ANK1: variants seen among roughly 807,000 people sequenced by gnomAD.
The protein encoded by ANK1 is ankyrin-1.
In ANK1, 51 loss-of-function variants were observed where a neutral mutation model predicts 210.4. The ratio of observed to expected loss-of-function variants is 0.24; its 90% CI spans 0.19 to 0.31. ANK1 has a LOEUF of 0.31. Ranked by LOEUF, ANK1 falls within the 10% of genes least tolerant of loss-of-function variation. The pLI, the probability that ANK1 is intolerant of heterozygous loss-of-function variation, is 1.00. For synonymous variants in ANK1, 967 were observed against 1,025.9 expected, an observed-to-expected ratio of 0.94 and a Z score of 1.10; for missense variants, 2,051 against 2,504.4, an observed-to-expected ratio of 0.82 and a Z score of 3.86.
At chr8:41,883,440 ATGTT>A (rs10544043) in intron 1 of ANK1, among the ~76,000 whole-genome samples, 52,073 of 150,056 alleles carry the variant, frequency 0.35, 9,229 homozygotes, top group African/African-American at 0.42. Flanking sequence ...GAAGGATCTC[ATGTT>A]TGTTTGTTTG....
chr8:41,778,156 GAC>G (rs1344856675), intron 1 of ANK1, among the ~76,000 whole-genome samples: 1 of 152,134 alleles, frequency 6.6e-6, no homozygotes, highest in African/African-American at 2.4e-5. Context: ...CCCAGTGGTA[GAC>G]ACAAAAAAAG....
At chr8:41,807,065 G>A (rs909426884) in intron 1 of ANK1, among the ~76,000 whole-genome samples, 5 of 152,120 alleles carry the variant, frequency 3.3e-5, no homozygotes, top group African/African-American at 4.8e-5. Context: ...TCATTCATTT[G>A]TTCATCATTC....
At position 41,706,183 on chromosome 8, in the gene ANK1, A is replaced by G; in HGVS notation, c.2057T>C (p.Val686Ala). ...CACCATGACGCCGTGTTTGATCAGC[A>G]CATCTGCCACTGGAACGTGGCCTTC... The part of the protein sequence containing the change: ...AQEGHVPVAD[V>A]LIKHGVMVDA... Residue 686 changes from valine (V) to alanine (A), a missense_variant, in exon 18 of 43, where the codon GTG becomes GCG. Val to Ala is a moderately conservative substitution (Grantham distance 64, BLOSUM62 0). Coordinates refer to ENST00000289734, the MANE Select transcript of ANK1 (RefSeq NM_000037.4). 1 of 1,614,126 alleles carries G rather than the reference A, an allele frequency of 6.2e-7. No homozygotes were observed. Among genetic ancestry groups the G allele is most frequent in the Non-Finnish European group, 8.5e-7 (1 of 1,179,970 alleles).
intron 1 of ANK1, among the ~76,000 whole-genome samples, chr8:41,803,023 A>AAGAAAGAAAGAAAG (rs1850226017): frequency 3.0e-5 from 3 of 101,394 alleles, no homozygotes; most frequent in Non-Finnish European, 6.2e-5. Context: ...GAAAGAAAGA[A>AAGAAAGAAAGAAAG]AGAAAGAAAG....
At chr8:41,880,320 GT>G (rs965167079) in intron 1 of ANK1, among the ~76,000 whole-genome samples, 5 of 152,218 alleles carry the variant, frequency 3.3e-5, no homozygotes, top group Non-Finnish European at 5.9e-5. Context: ...CACAGTAAAA[GT>G]TTGCCAATCT....
intron 12 of ANK1, 128 bp downstream of exon 12, chr8:41,717,476 G>T: frequency 1.1e-6 from 1 of 901,576 alleles, no homozygotes; most frequent in Non-Finnish European, 1.8e-6. Flanking sequence ...TCCTCCCCCA[G>T]TCTGAAGCAT....
At chr8:41,700,330 G>T (rs1822391694) in intron 22 of ANK1, 1 of 1,307,144 alleles carries the variant, frequency 7.7e-7, no homozygotes, top group African/African-American at 1.5e-5. Flanking sequence ...AGCTGTCAGA[G>T]GAAGATGGAA....
At chr8:41,858,060 T>A (rs1180943793) in intron 1 of ANK1, among the ~76,000 whole-genome samples, 1 of 151,916 alleles carries the variant, frequency 6.6e-6, no homozygotes, top group Non-Finnish European at 1.5e-5. Context: ...AGACCCCCCA[T>A]CTCTACAAAA....
At chr8:41,729,339 A>G (rs1488791264) in intron 3 of ANK1, among the ~76,000 whole-genome samples, 1 of 152,254 alleles carries the variant, frequency 6.6e-6, no homozygotes, top group Non-Finnish European at 1.5e-5. Flanking sequence ...ATAAGAACCA[A>G]TAGCAGAGAC....
At chr8:41,664,602 G>A (rs1809730331) in intron 39 of ANK1, among the ~76,000 whole-genome samples, 1 of 152,050 alleles carries the variant, frequency 6.6e-6, no homozygotes, top group African/African-American at 2.4e-5. Flanking sequence ...CTGTCACAAT[G>A]CACTGGGCAC....
intron 40 of ANK1, among the ~76,000 whole-genome samples, chr8:41,662,338 G>A (rs1360991375): frequency 6.6e-6 from 1 of 152,282 alleles, no homozygotes; most frequent in East Asian, 1.9e-4. Flanking sequence ...GCTCCGAGGG[G>A]GAGGTAGCTT....
At chr8:41,743,037 G>C (rs552474) in intron 2 of ANK1, among the ~76,000 whole-genome samples, 135,070 of 152,254 alleles carry the variant, frequency 0.89, 59,984 homozygotes, top group African/African-American at 0.89. Flanking sequence ...GCTTAATTCC[G>C]CAAATAGCAA....
chr8:41,889,114 A>T (rs1011261071), intron 1 of ANK1, among the ~76,000 whole-genome samples: 2 of 152,226 alleles, frequency 1.3e-5, no homozygotes, highest in African/African-American at 4.8e-5. Context: ...TGGTGGGATT[A>T]CTGGCATGAG....
At position 41,661,128 on chromosome 8, in the gene ANK1, G is replaced by A. The variant is rs903818032; in HGVS notation, c.*36+302C>T. The A allele has an allele frequency of 9.7e-6, 4 of 412,786 alleles. No homozygotes were observed. In the East Asian group the frequency reaches 1.7e-4, roughly 17 times the overall value. The allele number at this position is 412,786 out of a possible 1,614,324, so 25.6% of individuals were successfully genotyped here. A position where few individuals can be genotyped will look rare whatever the true frequency, so the allele number is the denominator to read the frequency against. On this transcript the variant is annotated intron_variant, in intron 42 of 42. Coordinates refer to ENST00000289734, the MANE Select transcript of ANK1 (RefSeq NM_000037.4). ...TGGCCTAAAGCAATCCTTTTGCCTCGACCTCACAAAATGCTGGGATTACAG... is the reference window on the plus strand; with the variant it reads ...TGGCCTAAAGCAATCCTTTTGCCTCAACCTCACAAAATGCTGGGATTACAG...
At chr8:41,890,882 G>C (rs1394043137) in intron 1 of ANK1, among the ~76,000 whole-genome samples, 1 of 152,114 alleles carries the variant, frequency 6.6e-6, no homozygotes, top group Non-Finnish European at 1.5e-5. Flanking sequence ...AAAAAAACCT[G>C]TACTAGTTAA....
chr8:41,703,959 A>AG, intron 20 of ANK1, 82 bp downstream of exon 20: 1 of 1,326,256 alleles, frequency 7.5e-7, no homozygotes, highest in East Asian at 2.3e-5. Context: ...CACGTGCATT[A>AG]ACCTCTACGG....
At chr8:41,804,242 C>T (rs941894015) in intron 1 of ANK1, among the ~76,000 whole-genome samples, 16 of 152,168 alleles carry the variant, frequency 1.1e-4, no homozygotes, top group Non-Finnish European at 2.1e-4. Context: ...ATGGACCTCC[C>T]ATAGGGCTGC....
chr8:41,661,329 C>T, intron 42 of ANK1, 101 bp downstream of exon 42: 1 of 1,513,186 alleles, frequency 6.6e-7, no homozygotes, highest in Non-Finnish European at 8.9e-7. Flanking sequence ...TTGTTTGTCC[C>T]ACATCATGCT....
chr8:41,770,892 C>A (rs61105284), intron 1 of ANK1, among the ~76,000 whole-genome samples: 1,704 of 152,290 alleles, frequency 0.011, 37 homozygotes, highest in African/African-American at 0.04. Flanking sequence ...TATATGGTGC[C>A]CAGTCCCAGG....
Sources: allele counts gnomAD v4.1 joint callset (sites outside exome capture counted in the v4.1 genomes callset), GRCh38; gene constraint gnomAD v4.1.1; transcripts MANE v1.5; gene names NCBI Gene and HGNC (gene_info 2026-07-23, HGNC 2026-07-21).